FBXL2: variants seen among roughly 807,000 people sequenced by gnomAD.
FBXL2 encodes F-box/LRR-repeat protein 2.
FBXL2 carries 38 observed loss-of-function variants against 69.2 expected under a neutral mutation model. The observed-to-expected ratio is 0.55, with a 90% CI of 0.42 to 0.72. FBXL2 has a LOEUF of 0.72. FBXL2 is among the 30% of genes least tolerant of loss of function. FBXL2 has a pLI of 0.00. For missense variants in FBXL2, 354 were observed against 520.3 expected (o/e 0.68, Z 3.11); for synonymous variants, 192 against 201.3 (o/e 0.95, Z 0.39).
intron 12 of FBXL2, among the ~76,000 whole-genome samples, chr3:33,402,557 T>C (rs966003278): frequency 1.3e-5 from 2 of 152,162 alleles, no homozygotes. Flanking sequence ...GTCTTGAAAA[T>C]GGCGCCTTGT....
downstream of FBXL2, chr3:33,392,395 A>G: frequency 3.4e-6 from 2 of 591,066 alleles, no homozygotes; most frequent in Non-Finnish European, 2.8e-6. Flanking sequence ...CCTCTTCCTT[A>G]TATGCTAATT....
intron 2 of FBXL2, among the ~76,000 whole-genome samples, chr3:33,318,598 A>G (rs997846188): frequency 1.2e-4 from 18 of 152,264 alleles, no homozygotes; most frequent in African/African-American, 4.3e-4. Context: ...TACCCACTAG[A>G]TGGACACACT....
intron 10 of FBXL2, 81 bp downstream of exon 10, chr3:33,375,499 C>A: frequency 6.6e-7 from 1 of 1,522,210 alleles, no homozygotes; most frequent in Non-Finnish European, 9.0e-7. Context: ...AGAGGACAGG[C>A]TTGCCAGGTA....
chr3:33,373,223 G>A (rs769948890), intron 6 of FBXL2, 37 bp from the exon 7 acceptor site: 1 of 1,611,876 alleles, frequency 6.2e-7, no homozygotes, highest in South Asian at 1.1e-5. Flanking sequence ...AGAGAAACGT[G>A]GTTGAAAATA....
At chr3:33,411,698 A>C in the FBXL2 span, 1 of 1,605,356 alleles carries the variant, frequency 6.2e-7, no homozygotes, top group Non-Finnish European at 8.5e-7. Context: ...CTATGTTTTA[A>C]AAAGAAGTTA....
chr3:33,351,680 C>T (rs549924947), intron 2 of FBXL2, among the ~76,000 whole-genome samples: 2 of 152,240 alleles, frequency 1.3e-5, no homozygotes, highest in South Asian at 4.1e-4. Flanking sequence ...AACAAGAACT[C>T]TTATTCATTG....
chr3:33,358,930 A>G lies in FBXL2; in HGVS notation c.66-37A>G, dbSNP rs768337339. ...GTTATAATTATCCTGAAATGTTAACACCATCTCGTTTTTGTGTTTTTTTCC... is the reference window on the plus strand; with the variant it reads ...GTTATAATTATCCTGAAATGTTAACGCCATCTCGTTTTTGTGTTTTTTTCC... On this transcript the variant is annotated intron_variant, in intron 2 of 14. Transcript: ENST00000484457. 18 of 1,323,706 alleles carry G rather than the reference A, an allele frequency of 1.4e-5. No homozygotes were observed. In the South Asian group the frequency reaches 2.2e-4, roughly 16 times the overall value. The allele number at this position is 1,323,706 out of a possible 1,614,324, so 82.0% of individuals were successfully genotyped here. A position where few individuals can be genotyped will look rare whatever the true frequency, so the allele number is the denominator to read the frequency against.
rs889041427 is a variant in FBXL2, at chr3:33,378,117, G to A, written c.864G>A (p.Leu288=). The change falls in exon 12 of 15, where the codon TTG becomes TTA. Residue 288 remains leucine, a synonymous_variant. Transcript: ENST00000484457. ...GACTCTTCCAGAATTGCCACGAATTGGAGAAGATGGATCTTGAAGAATGCA... is the reference window on the plus strand; with the variant it reads ...GACTCTTCCAGAATTGCCACGAATTAGAGAAGATGGATCTTGAAGAATGCA... ...FTLLARNCHE[L]EKMDLEECIL... is the part of the protein sequence containing the mutation. 2 of 1,614,206 alleles carry A rather than the reference G, an allele frequency of 1.2e-6. No homozygotes were observed. Among genetic ancestry groups the A allele is most frequent in the Non-Finnish European group, 8.5e-7 (1 of 1,180,024 alleles).
intron 12 of FBXL2, among the ~76,000 whole-genome samples, chr3:33,395,772 AAG>A (rs2043963344): frequency 6.7e-6 from 1 of 149,374 alleles, no homozygotes. Flanking sequence ...AAAAAAAAAA[AAG>A]AAAAAGGAAA....
intron 2 of FBXL2, chr3:33,300,593 AG>A (rs1391100617): frequency 6.6e-6 from 1 of 152,224 alleles, no homozygotes; most frequent in South Asian, 2.1e-4. Flanking sequence ...AATTAACTCT[AG>A]CCAACCATGT....
chr3:33,359,113 T>C, intron 3 of FBXL2, 92 bp downstream of exon 3: 1 of 940,312 alleles, frequency 1.1e-6, no homozygotes, highest in Non-Finnish European at 1.5e-6. Flanking sequence ...AATTTTATTA[T>C]CTTTTATACT....
chr3:33,327,958 C>CAAAAAAA (rs11458838), intron 2 of FBXL2, among the ~76,000 whole-genome samples: 1 of 145,016 alleles, frequency 6.9e-6, no homozygotes, highest in African/African-American at 2.5e-5. Context: ...AAGAATCTAC[C>CAAAAAAA]AAAAAAAAAA....
At chr3:33,298,696 CAAAAAAAAAAAA>C (rs1158732530) in intron 2 of FBXL2, among the ~76,000 whole-genome samples, 1 of 47,274 alleles carries the variant, frequency 2.1e-5, no homozygotes, top group Non-Finnish European at 4.5e-5. Context: ...AACTCTGTCT[CAAAAAAAAAAAA>C]AAAAAAAAAA....
chr3:33,405,662 A>T (rs2044399362), downstream of FBXL2, among the ~76,000 whole-genome samples: 4 of 152,154 alleles, frequency 2.6e-5, no homozygotes, highest in Admixed American at 2.6e-4. Flanking sequence ...ACCTGTCTCA[A>T]GTGTCTTGGA....
downstream of FBXL2, among the ~76,000 whole-genome samples, chr3:33,405,438 C>T (rs1486980344): frequency 6.6e-6 from 1 of 152,170 alleles, no homozygotes; most frequent in Non-Finnish European, 1.5e-5. Context: ...CAGAACATTG[C>T]CTCCTTTGCA....
chr3:33,367,664 GT>G (rs1330091438), intron 5 of FBXL2, among the ~76,000 whole-genome samples: 1 of 150,692 alleles, frequency 6.6e-6, no homozygotes, highest in Non-Finnish European at 1.5e-5. Context: ...ACCAGCTTTT[GT>G]TTTCACCCAT....
intron 2 of FBXL2, among the ~76,000 whole-genome samples, chr3:33,334,003 C>T (rs1320190828): frequency 1.3e-5 from 2 of 152,106 alleles, no homozygotes; most frequent in East Asian, 3.9e-4. Context: ...TAGCTGTGAC[C>T]CAGCTCCAGC....
chr3:33,309,069 C>G (rs2036959037), intron 2 of FBXL2, among the ~76,000 whole-genome samples: 2 of 152,142 alleles, frequency 1.3e-5, no homozygotes, highest in South Asian at 4.1e-4. Context: ...GTGGAATATT[C>G]AAAATATGTC....
chr3:33,390,599 G>A (rs6783672), downstream of FBXL2: 179,456 of 567,826 alleles, frequency 0.32, 30,277 homozygotes, highest in East Asian at 0.44. Context: ...ATCAACGCCC[G>A]CATTCCAACA....
Sources: gnomAD v4.1 joint callset for allele counts (sites outside exome capture counted in the v4.1 genomes callset) on GRCh38, gnomAD v4.1.1 for gene constraint, MANE v1.5 for transcripts, NCBI Gene and HGNC (gene_info 2026-07-23, HGNC 2026-07-21) for gene names.